FBXL5: variants seen among roughly 807,000 people sequenced by gnomAD.
The protein encoded by FBXL5 is F-box/LRR-repeat protein 5.
FBXL5 carries 26 observed loss-of-function variants against 78.3 expected under a neutral mutation model. The observed-to-expected ratio is 0.33, with a 90% CI of 0.24 to 0.46. The LOEUF (loss-of-function observed/expected upper bound fraction) is 0.46. Ranked by LOEUF, FBXL5 falls within the 20% of genes least tolerant of loss-of-function variation. The pLI, the probability that FBXL5 is intolerant of heterozygous loss-of-function variation, is 1.00. For missense variants in FBXL5, 710 were observed against 829.2 expected, an observed-to-expected ratio of 0.86 and a Z score of 1.77; for synonymous variants, 295 against 282.5, an observed-to-expected ratio of 1.04 and a Z score of -0.45.
Position 15,626,898 on chromosome 4 carries a change from C to T in FBXL5, c.1099G>A (p.Asp367Asn). The change falls in exon 8 of 11, where the codon GAC becomes AAC. Residue 367 changes from aspartate (D) to asparagine (N), a missense_variant. Coordinates refer to ENST00000341285, the MANE Select transcript of FBXL5 (RefSeq NM_012161.4). Reference sequence around the variant, plus strand: ...CTGTCAAATGCAGAATCTGAAATGTCAGTCTGGGTAAGATCCAGATGCTCC... The same window carrying T: ...CTGTCAAATGCAGAATCTGAAATGTTAGTCTGGGTAAGATCCAGATGCTCC... ...NLEHLDLTQT[D>N]ISDSAFDSWS... The T allele has an allele frequency of 1.2e-6, 2 of 1,610,810 alleles. No homozygotes were observed. The highest frequency in any genetic ancestry group is 1.7e-6 in the Non-Finnish European group (2 of 1,178,428).
Position 15,631,247 on chromosome 4 carries a change from T to C in FBXL5, c.767-456A>G, listed in dbSNP as rs537239798. On this transcript the variant is annotated intron_variant, in intron 5 of 10. Coordinates refer to ENST00000341285, the MANE Select transcript of FBXL5 (RefSeq NM_012161.4). ...CCATGTCCCTGCAAAGGACATGAACTCATCATTTTTTATGGCTGCATAGTA... is the reference window on the plus strand; with the variant it reads ...CCATGTCCCTGCAAAGGACATGAACCCATCATTTTTTATGGCTGCATAGTA... Among the ~76,000 whole-genome samples the C allele has an allele frequency of 1.8e-4, 28 of 152,374 alleles. No individual in the cohort carries two copies. In the East Asian group the frequency reaches 5.2e-3, roughly 28 times the overall value.
At chr4:15,654,728 G>A (rs1227091748) in intron 1 of FBXL5, among the ~76,000 whole-genome samples, 1 of 152,244 alleles carries the variant, frequency 6.6e-6, no homozygotes, top group Non-Finnish European at 1.5e-5. Flanking sequence ...GCAGAGGATG[G>A]GTGGGTGTCT....
At position 15,666,023 on chromosome 4, in the gene FBXL5, T is replaced by TAA. The variant is rs201861584; in HGVS notation, c.-283-6103_-283-6102dup. ...CAATTTCCTACTGACAACCTTTTTTTAAAAAAAAAAAAATGACCATTTCCT... is the reference window on the plus strand; with the variant it reads ...CAATTTCCTACTGACAACCTTTTTTTAAAAAAAAAAAAAAATGACCATTTCCT... On this transcript the variant is annotated intron_variant, in intron 1 of 4. Transcript: ENST00000507899. Among the ~76,000 whole-genome samples, 547 of 148,322 alleles carry TAA rather than the reference T, an allele frequency of 3.7e-3. 3 individuals are homozygous for TAA. The highest frequency in any genetic ancestry group is 3.1e-3 in the Non-Finnish European group (206 of 66,948).
chr4:15,659,173 A>G (rs781334188), upstream of FBXL5, among the ~76,000 whole-genome samples: 1 of 152,210 alleles, frequency 6.6e-6, no homozygotes, highest in Non-Finnish European at 1.5e-5. Flanking sequence ...AGTTTTAAGT[A>G]CCTGACATTA....
intron 6 of FBXL5, 101 bp downstream of exon 6, chr4:15,630,565 A>G: frequency 8.8e-7 from 1 of 1,142,648 alleles, no homozygotes; most frequent in Non-Finnish European, 1.2e-6. Flanking sequence ...CAGTTTCTTT[A>G]GAAAACACAA....
At chr4:15,607,918 A>G (rs1721992453) in intron 10 of FBXL5, among the ~76,000 whole-genome samples, 1 of 152,208 alleles carries the variant, frequency 6.6e-6, no homozygotes, top group Non-Finnish European at 1.5e-5. Context: ...ACTCCCTCAA[A>G]TATTTCAAAA....
At chr4:15,657,135 TTAA>T (rs1717025919), upstream of FBXL5, among the ~76,000 whole-genome samples, 1 of 152,246 alleles carries the variant, frequency 6.6e-6, no homozygotes, top group Non-Finnish European at 1.5e-5. Context: ...TCTATATTTT[TTAA>T]TAACCTCCAG....
intron 2 of FBXL5, among the ~76,000 whole-genome samples, chr4:15,642,539 G>C (rs987411582): frequency 6.6e-6 from 1 of 152,080 alleles, no homozygotes; most frequent in Admixed American, 6.5e-5. Flanking sequence ...CCCAGCCTAT[G>C]AAAACTTTTA....
At chr4:15,638,951 G>C (rs1476999683) in intron 3 of FBXL5, among the ~76,000 whole-genome samples, 1 of 152,114 alleles carries the variant, frequency 6.6e-6, no homozygotes, top group Non-Finnish European at 1.5e-5. Flanking sequence ...GGTCACCTGA[G>C]GTCGGGAGTT....
intron 1 of FBXL5, among the ~76,000 whole-genome samples, chr4:15,676,904 G>A (rs1168886144): frequency 1.3e-5 from 2 of 151,944 alleles, no homozygotes; most frequent in East Asian, 3.8e-4. Flanking sequence ...AAAATCTTAA[G>A]AAAACAAAAA....
At chr4:15,614,042 T>G (rs115494850) in intron 9 of FBXL5, among the ~76,000 whole-genome samples, 13,813 of 152,260 alleles carry the variant, frequency 0.091, 768 homozygotes, top group Non-Finnish European at 0.13. Context: ...GAATTGTTTT[T>G]CTGGTTCCTT....
intron 1 of FBXL5, among the ~76,000 whole-genome samples, chr4:15,676,848 T>C (rs909181183): frequency 9.9e-5 from 15 of 152,194 alleles, no homozygotes; most frequent in African/African-American, 3.6e-4. Context: ...TTACCTAATA[T>C]ATCACTAGTC....
chr4:15,618,344 C>A (rs1370495225), intron 9 of FBXL5, among the ~76,000 whole-genome samples: 1 of 151,982 alleles, frequency 6.6e-6, no homozygotes, highest in Non-Finnish European at 1.5e-5. Flanking sequence ...GCAGCCTGGG[C>A]AACACAATGA....
At chr4:15,660,415 CA>C (rs1258121106), upstream of FBXL5, among the ~76,000 whole-genome samples, 1 of 152,028 alleles carries the variant, frequency 6.6e-6, no homozygotes, top group Non-Finnish European at 1.5e-5. Context: ...AACAGAGTAC[CA>C]AAAAATCCCC....
chr4:15,626,129 C>A (rs919900363), intron 8 of FBXL5, 152 bp from the exon 9 acceptor site: 4 of 757,300 alleles, frequency 5.3e-6, no homozygotes, highest in Non-Finnish European at 8.0e-6. Context: ...AGGTACTATT[C>A]TTGATGCTAG....
chr4:15,670,779 T>C (rs1474356225), intron 1 of FBXL5, among the ~76,000 whole-genome samples: 2 of 152,146 alleles, frequency 1.3e-5, no homozygotes, highest in Non-Finnish European at 2.9e-5. Flanking sequence ...TTCTGGTCCC[T>C]AGTGTATTTC....
intron 8 of FBXL5, 141 bp from the exon 9 acceptor site, chr4:15,626,118 A>G: frequency 1.2e-6 from 1 of 810,826 alleles, no homozygotes; most frequent in Non-Finnish European, 1.8e-6. Flanking sequence ...ATCTATTGTT[A>G]AGGTACTATT....
chr4:15,621,374 T>C (rs73239191), intron 9 of FBXL5, among the ~76,000 whole-genome samples: 13,885 of 152,270 alleles, frequency 0.091, 775 homozygotes, highest in Non-Finnish European at 0.13. Context: ...AAATGTGTAA[T>C]ATTTAAGAAT....
intron 1 of FBXL5, among the ~76,000 whole-genome samples, chr4:15,648,224 G>A (rs1715571525): frequency 6.6e-6 from 1 of 152,094 alleles, no homozygotes; most frequent in Non-Finnish European, 1.5e-5. Context: ...CATCTGTAAG[G>A]CTTATTTAGT....
Sources: gnomAD v4.1 joint callset for allele counts (sites outside exome capture counted in the v4.1 genomes callset) on GRCh38, gnomAD v4.1.1 for gene constraint, MANE v1.5 for transcripts, NCBI Gene and HGNC (gene_info 2026-07-23, HGNC 2026-07-21) for gene names.